Variants in SPHKAP observed in about 807,000 individuals in gnomAD.
SPHKAP encodes the protein SPHK1 interactor, AKAP domain containing, also known as A-kinase anchor protein SPHKAP.
A neutral mutation model predicts 137.5 loss-of-function variants in SPHKAP; 67 were observed. That is an observed-to-expected ratio of 0.49 (90% confidence interval 0.40 to 0.60). The LOEUF is 0.60. Among genes scored for constraint, SPHKAP ranks in the 20% least tolerant of loss-of-function variants. The pLI is 0.00. For synonymous variants in SPHKAP, 813 were observed against 785.3 expected, an observed-to-expected ratio of 1.04 and a Z score of -0.59; for missense variants, 2,097 against 2,069.3, an observed-to-expected ratio of 1.01 and a Z score of -0.26.
chr2:228,108,215 T>C (rs1374008371), intron 3 of SPHKAP, among the ~76,000 whole-genome samples: 2 of 152,310 alleles, frequency 1.3e-5, no homozygotes, highest in African/African-American at 2.4e-5. Context: ...ATGAAACATA[T>C]AGTTTTCTCT....
chr2:228,178,677 G>C (rs4973621), intron 1 of SPHKAP, among the ~76,000 whole-genome samples: 87,695 of 151,386 alleles, frequency 0.58, 25,490 homozygotes, highest in Admixed American at 0.63. Context: ...TTTCTTGATG[G>C]ACTACTAGTC....
intron 2 of SPHKAP, among the ~76,000 whole-genome samples, chr2:228,117,959 A>G (rs941105578): frequency 4.5e-4 from 69 of 152,084 alleles, no homozygotes; most frequent in African/African-American, 1.7e-3. Context: ...ATACTAAGAG[A>G]TAAAAAGACA....
intron 3 of SPHKAP, among the ~76,000 whole-genome samples, chr2:228,051,540 C>A (rs967968989): frequency 1.3e-5 from 2 of 152,102 alleles, no homozygotes; most frequent in African/African-American, 4.8e-5. Flanking sequence ...TTGAAAGACA[C>A]ACAGAACACC....
intron 11 of SPHKAP, among the ~76,000 whole-genome samples, chr2:227,986,351 T>C (rs1693208892): frequency 6.6e-6 from 1 of 152,180 alleles, no homozygotes; most frequent in Non-Finnish European, 1.5e-5. Context: ...TTCTCACTCA[T>C]AAGTGGGAGC....
At position 228,019,136 on chromosome 2, in the gene SPHKAP, A is replaced by G. The variant is rs1380703887; in HGVS notation, c.1718T>C (p.Leu573Pro). The G allele has an allele frequency of 6.2e-7, 1 of 1,613,938 alleles. No homozygotes were observed. Among genetic ancestry groups the G allele is most frequent in the Non-Finnish European group, 8.5e-7 (1 of 1,180,040 alleles). Residue 573 changes from leucine to proline, a missense_variant, in exon 7 of 12, where the codon CTG (leucine) becomes CCG (proline). By Grantham distance (98) the Leu-to-Pro change is moderately conservative. Transcript: ENST00000392056. ...GCATGTCACCTCTTCTCTTTCACCC[A>G]GACCACAGACAGCCACGGCACTGGC... is the stretch of plus-strand genomic sequence containing the variant. Reference protein sequence around the residue: ...QVASAVAVCGLGEREEVTCSV... With the variant: ...QVASAVAVCGPGEREEVTCSV...
At chr2:228,098,651 T>C (rs1698084018) in intron 3 of SPHKAP, among the ~76,000 whole-genome samples, 1 of 151,862 alleles carries the variant, frequency 6.6e-6, no homozygotes, top group Non-Finnish European at 1.5e-5. Flanking sequence ...TTAGGAGATA[T>C]ACCTAACGCT....
chr2:228,018,914 A>T lies in SPHKAP; in HGVS notation c.1940T>A (p.Ile647Asn). The change falls in exon 7 of 12, where the codon ATC (isoleucine) becomes AAC (asparagine). Residue 647 changes from isoleucine (I) to asparagine (N), a missense_variant. By Grantham distance (149) the Ile-to-Asn change is moderately radical. Coordinates refer to ENST00000392056, the MANE Select transcript of SPHKAP (RefSeq NM_001142644.2). ...GDFLDSMNRR[I>N]METASKSQTL... Reference sequence around the variant, plus strand: ...CTGAGACTTTGAAGCAGTTTCCATGATTCTCCTGTTCATGGAGTCCAGAAA... The same window carrying T: ...CTGAGACTTTGAAGCAGTTTCCATGTTTCTCCTGTTCATGGAGTCCAGAAA... 1 of 1,614,164 alleles carries T rather than the reference A, an allele frequency of 6.2e-7. No homozygotes were observed. The highest frequency in any genetic ancestry group is 8.5e-7 in the Non-Finnish European group (1 of 1,180,028).
At chr2:228,053,683 C>A (rs1696338321) in intron 3 of SPHKAP, among the ~76,000 whole-genome samples, 1 of 152,182 alleles carries the variant, frequency 6.6e-6, no homozygotes, top group Non-Finnish European at 1.5e-5. Flanking sequence ...GTGCCTGCTA[C>A]TTCACTAAGT....
chr2:228,115,954 A>AG (rs1418560386), intron 2 of SPHKAP, among the ~76,000 whole-genome samples: 4 of 152,180 alleles, frequency 2.6e-5, no homozygotes, highest in African/African-American at 9.6e-5. Flanking sequence ...TTATAAAAAA[A>AG]GGCTTGAAAG....
At chr2:228,162,433 G>A (rs1275504207) in intron 1 of SPHKAP, among the ~76,000 whole-genome samples, 1 of 152,174 alleles carries the variant, frequency 6.6e-6, no homozygotes, top group African/African-American at 2.4e-5. Context: ...CTTAATTACT[G>A]ATTGGTAAGC....
At chr2:228,165,568 T>G (rs1467092824) in intron 1 of SPHKAP, among the ~76,000 whole-genome samples, 1 of 152,260 alleles carries the variant, frequency 6.6e-6, no homozygotes, top group South Asian at 2.1e-4. Flanking sequence ...AATATTCAAC[T>G]GCACCTGCAT....
intron 5 of SPHKAP, among the ~76,000 whole-genome samples, chr2:228,023,538 A>G (rs921632282): frequency 2.6e-5 from 4 of 152,252 alleles, no homozygotes; most frequent in Admixed American, 2.0e-4. Flanking sequence ...CTGCTGTTGT[A>G]GAGTAAGCAG....
At chr2:228,030,535 A>G (rs35259891) in intron 3 of SPHKAP, among the ~76,000 whole-genome samples, 1 of 56,702 alleles carries the variant, frequency 1.8e-5, no homozygotes, top group Non-Finnish European at 3.2e-5. Flanking sequence ...AAAAAAAACA[A>G]CAAAAAACAA....
intron 2 of SPHKAP, among the ~76,000 whole-genome samples, chr2:228,125,916 A>G (rs1049970509): frequency 1.3e-5 from 2 of 152,106 alleles, no homozygotes; most frequent in African/African-American, 4.8e-5. Flanking sequence ...ATCTCTACTA[A>G]AAATACAAAA....
At chr2:228,011,942 G>A (rs1184216236) in intron 7 of SPHKAP, among the ~76,000 whole-genome samples, 1 of 152,004 alleles carries the variant, frequency 6.6e-6, no homozygotes, top group Non-Finnish European at 1.5e-5. Context: ...GAGGTGGCAG[G>A]ATCACTTGAG....
At chr2:228,001,958 C>T (rs766459427) in intron 7 of SPHKAP, among the ~76,000 whole-genome samples, 13 of 152,114 alleles carry the variant, frequency 8.5e-5, no homozygotes, top group Non-Finnish European at 1.5e-4. Context: ...TTTTCTTAAT[C>T]CAGTCTATCA....
At chr2:228,146,417 AT>A (rs561497534) in intron 1 of SPHKAP, among the ~76,000 whole-genome samples, 1 of 151,944 alleles carries the variant, frequency 6.6e-6, no homozygotes, top group Non-Finnish European at 1.5e-5. Context: ...ACTTATTACT[AT>A]TTTTTTTAAC....
chr2:228,135,065 G>A lies in SPHKAP; in HGVS notation c.33-2980C>T, dbSNP rs192763338. 3.2e-4 allele frequency among the ~76,000 whole-genome samples: 49 copies of A among 151,916 alleles called. No homozygotes were observed. In the East Asian group the frequency reaches 8.7e-3, roughly 27 times the overall value. On this transcript the variant is annotated intron_variant, in intron 1 of 11. Transcript: ENST00000392056. ...TGAGGTGGGTGGATCACCTGAGGTC[G>A]GGAGTTCGAGACCAGCCTGACCAAC...
At chr2:228,090,614 C>A (rs549863635) in intron 3 of SPHKAP, among the ~76,000 whole-genome samples, 1 of 152,210 alleles carries the variant, frequency 6.6e-6, no homozygotes, top group East Asian at 1.9e-4. Flanking sequence ...AAATGTAATT[C>A]CCAGTGTTGG....
Sources: allele counts gnomAD v4.1 joint callset (sites outside exome capture counted in the v4.1 genomes callset), GRCh38; gene constraint gnomAD v4.1.1; transcripts MANE v1.5; gene names NCBI Gene and HGNC (gene_info 2026-07-23, HGNC 2026-07-21).